Variants in SCFD1 observed in about 807,000 individuals in gnomAD.
The protein encoded by SCFD1 is sec1 family domain-containing protein 1.
In SCFD1, 37 loss-of-function variants were observed where a neutral mutation model predicts 103.2. That is an observed-to-expected ratio of 0.36 (90% CI 0.28 to 0.47). The LOEUF is 0.47. SCFD1 is among the 20% of genes least tolerant of loss of function. The pLI is 1.00. For synonymous variants in SCFD1, 264 were observed against 245.0 expected, an observed-to-expected ratio of 1.08 and a Z score of -0.73; for missense variants, 639 against 761.2, an observed-to-expected ratio of 0.84 and a Z score of 1.89.
chr14:30,713,129 A>C (rs1892011549), intron 19 of SCFD1, among the ~76,000 whole-genome samples: 1 of 152,182 alleles, frequency 6.6e-6, no homozygotes. Context: ...GATTAAGTCA[A>C]TTCAGGCCTT....
chr14:30,709,876 ATT>A (rs1298475599), intron 19 of SCFD1, among the ~76,000 whole-genome samples: 2 of 152,208 alleles, frequency 1.3e-5, no homozygotes, highest in African/African-American at 4.8e-5. Flanking sequence ...TATGTAGTTT[ATT>A]TTTAAGGAGA....
chr14:30,673,330 C>A lies in SCFD1; in HGVS notation c.1069C>A (p.Arg357=). ...SYRAQEDEVK[R]LKSIMGLEGE... is the part of the protein sequence containing the mutation. ...CAGAGCACAGGAAGATGAGGTCAAA[C>A]GACTTAAAAGCATTATGGTAAGATT... The change falls in exon 12 of 25, where the codon CGA becomes AGA. Residue 357 remains arginine, a synonymous_variant. Transcript: ENST00000458591. 2 of 1,563,254 alleles carry A rather than the reference C, an allele frequency of 1.3e-6. No homozygotes were observed. Among genetic ancestry groups the A allele is most frequent in the Non-Finnish European group, 1.8e-6 (2 of 1,140,374 alleles).
chr14:30,706,372 T>C (rs1891470023), intron 18 of SCFD1, among the ~76,000 whole-genome samples: 1 of 152,212 alleles, frequency 6.6e-6, no homozygotes, highest in Non-Finnish European at 1.5e-5. Flanking sequence ...TAAATGTTAA[T>C]AGTGGGTAAT....
intron 17 of SCFD1, among the ~76,000 whole-genome samples, chr14:30,704,326 A>G (rs1047415260): frequency 2.0e-5 from 3 of 152,080 alleles, no homozygotes; most frequent in African/African-American, 4.8e-5. Context: ...GGTGTGCACC[A>G]CTGCACCCAG....
At position 30,674,988 on chromosome 14, in the gene SCFD1, T is replaced by G. The variant is rs759701622; in HGVS notation, c.1165T>G (p.Leu389Val). 2 of 1,567,882 alleles carry G rather than the reference T, an allele frequency of 1.3e-6. No homozygotes were observed. The highest frequency in any genetic ancestry group is 4.6e-5 in the East Asian group (2 of 43,176). Reference sequence around the variant, plus strand: ...TTAATTTTTTGATACTTGCAGTTCTTTGCCAGAACTCCTTGAGAAAAAAAG... The same window carrying G: ...TTAATTTTTTGATACTTGCAGTTCTGTGCCAGAACTCCTTGAGAAAAAAAG... ...TAKLTSAVSS[L>V]PELLEKKRLI... Residue 389 changes from leucine to valine, a missense_variant, in exon 14 of 25, where the codon TTG (leucine) becomes GTG (valine). Transcript: ENST00000458591.
At position 30,725,355 on chromosome 14, in the gene SCFD1, T is replaced by G. The variant is rs1404698973; in HGVS notation, c.1836+2796T>G. Among the ~76,000 whole-genome samples, 3 of 152,176 alleles carry G rather than the reference T, an allele frequency of 2.0e-5. No homozygotes were observed. The East Asian group carries it at 5.8e-4, about 29-fold the overall frequency. ...TCCATTTGTTTGTGTCATCTCTGAT[T>G]TATTTGAGCAGTGGTTTGTAGTTCT... On this transcript the variant is annotated intron_variant, in intron 23 of 24. Transcript: ENST00000458591.
chr14:30,672,184 G>GC (rs572422192), intron 11 of SCFD1, among the ~76,000 whole-genome samples: 198 of 152,232 alleles, frequency 1.3e-3, no homozygotes, highest in African/African-American at 4.5e-3. Flanking sequence ...TAAAGCTAGG[G>GC]CCCTGAGAGG....
intron 4 of SCFD1, among the ~76,000 whole-genome samples, chr14:30,637,783 C>T (rs1218565467): frequency 2.0e-5 from 3 of 152,110 alleles, no homozygotes; most frequent in Non-Finnish European, 4.4e-5. Flanking sequence ...AGTTGAAGAT[C>T]GTGTCTGCCA....
At chr14:30,714,331 G>A (rs1228035946) in intron 19 of SCFD1, among the ~76,000 whole-genome samples, 1 of 150,244 alleles carries the variant, frequency 6.7e-6, no homozygotes, top group Non-Finnish European at 1.5e-5. Flanking sequence ...TCCGCAGTCC[G>A]GCCTGGGCGA....
intron 10 of SCFD1, among the ~76,000 whole-genome samples, chr14:30,657,282 G>A (rs1490805939): frequency 6.6e-6 from 1 of 152,054 alleles, no homozygotes; most frequent in Admixed American, 6.6e-5. Context: ...ACATAAAAAG[G>A]GTAGACTCAG....
At chr14:30,640,265 A>G (rs1885137350) in intron 6 of SCFD1, among the ~76,000 whole-genome samples, 1 of 152,184 alleles carries the variant, frequency 6.6e-6, no homozygotes, top group Admixed American at 6.5e-5. Context: ...AAGCTCCCTG[A>G]GAGAAGAGAA....
chr14:30,707,446 T>C (rs1438255136), intron 18 of SCFD1, among the ~76,000 whole-genome samples: 1 of 152,234 alleles, frequency 6.6e-6, no homozygotes, highest in Non-Finnish European at 1.5e-5. Context: ...CATTTTTTTA[T>C]GATAGATTTT....
intron 19 of SCFD1, among the ~76,000 whole-genome samples, chr14:30,708,552 A>G (rs547716785): frequency 6.6e-6 from 1 of 152,110 alleles, no homozygotes; most frequent in East Asian, 1.9e-4. Context: ...GTTCATTTGG[A>G]TTTGGACTTT....
chr14:30,690,753 G>T (rs1008029691), intron 14 of SCFD1, among the ~76,000 whole-genome samples: 20 of 151,882 alleles, frequency 1.3e-4, no homozygotes, highest in South Asian at 6.2e-4. Flanking sequence ...AGATGGAAAT[G>T]CAGAAATCAC....
chr14:30,727,942 AAC>A (rs1444332525), intron 23 of SCFD1, among the ~76,000 whole-genome samples: 10 of 152,234 alleles, frequency 6.6e-5, no homozygotes, highest in African/African-American at 2.4e-4. Context: ...TGAAAATAAA[AAC>A]AGTCCATTCC....
rs1484356209 is a variant in SCFD1, at chr14:30,715,987, A to G, written c.1683+10A>G. ...GATGAAGTCAAACCCCGTGAGTACCATATAACATATTTTGTGTAAATTCCC... is the reference window on the plus strand; with the variant it reads ...GATGAAGTCAAACCCCGTGAGTACCGTATAACATATTTTGTGTAAATTCCC... On this transcript the variant is annotated intron_variant, in intron 20 of 24. Coordinates refer to ENST00000458591, the MANE Select transcript of SCFD1 (RefSeq NM_016106.4). 4 of 1,479,546 alleles carry G rather than the reference A, an allele frequency of 2.7e-6. No individual in the cohort carries two copies. The highest frequency in any genetic ancestry group is 3.7e-6 in the Non-Finnish European group (4 of 1,069,044). The allele number at this position is 1,479,546 out of a possible 1,614,324, so 91.7% of individuals were successfully genotyped here.
chr14:30,646,097 C>T (rs942722699), intron 7 of SCFD1, among the ~76,000 whole-genome samples: 1 of 152,142 alleles, frequency 6.6e-6, no homozygotes, highest in African/African-American at 2.4e-5. Context: ...ACAACCTCAG[C>T]TCACTGCAAC....
intron 15 of SCFD1, among the ~76,000 whole-genome samples, chr14:30,698,844 C>A (rs929793815): frequency 6.6e-6 from 1 of 152,154 alleles, no homozygotes. Context: ...CCTGGGTTCA[C>A]CCCTGAACTG....
chr14:30,725,303 T>C (rs945104971), intron 23 of SCFD1, among the ~76,000 whole-genome samples: 1 of 152,244 alleles, frequency 6.6e-6, no homozygotes, highest in Non-Finnish European at 1.5e-5. Context: ...CTATTTCTTC[T>C]TCCTATCCAT....
Sources: allele counts gnomAD v4.1 joint callset (sites outside exome capture counted in the v4.1 genomes callset), GRCh38; gene constraint gnomAD v4.1.1; transcripts MANE v1.5; gene names NCBI Gene and HGNC (gene_info 2026-07-23, HGNC 2026-07-21).